The following FRMD5 variants were observed in gnomAD, a reference collection of about 807,000 sequenced individuals.
FRMD5 encodes FERM domain containing 5.
FRMD5 carries 20 observed loss-of-function variants against 69.0 expected under a neutral mutation model. That is an observed-to-expected ratio of 0.29 (90% CI 0.20 to 0.42). The LOEUF is 0.42. Among genes scored for constraint, FRMD5 ranks in the 10% least tolerant of loss-of-function variants. The pLI, the probability that FRMD5 is intolerant of heterozygous loss-of-function variation, is 1.00. For missense variants in FRMD5, 595 were observed against 708.6 expected, an observed-to-expected ratio of 0.84 and a Z score of 1.82; for synonymous variants, 271 against 260.1, an observed-to-expected ratio of 1.04 and a Z score of -0.40.
intron 1 of FRMD5, among the ~76,000 whole-genome samples, chr15:44,044,330 A>C (rs1346684666): frequency 6.6e-6 from 1 of 152,316 alleles, no homozygotes; most frequent in Middle Eastern, 3.4e-3. Context: ...GTGGGACTGT[A>C]AACTAGTTCA....
intron 12 of FRMD5, 58 bp downstream of exon 12, chr15:43,884,669 G>T: frequency 6.6e-7 from 1 of 1,514,572 alleles, no homozygotes; most frequent in Non-Finnish European, 9.2e-7. Context: ...CAAACTGCTG[G>T]ATTGAGATTC....
chr15:44,039,936 T>C (rs895873054), intron 1 of FRMD5, among the ~76,000 whole-genome samples: 1 of 151,994 alleles, frequency 6.6e-6, no homozygotes, highest in African/African-American at 2.4e-5. Context: ...GAAAAAATGT[T>C]AGATGAATTG....
At chr15:44,046,940 T>C (rs1156847020) in intron 1 of FRMD5, among the ~76,000 whole-genome samples, 1 of 152,202 alleles carries the variant, frequency 6.6e-6, no homozygotes, top group African/African-American at 2.4e-5. Flanking sequence ...GATTTTGCTA[T>C]AGAGGTCTAG....
chr15:44,041,124 G>A (rs922612121), intron 1 of FRMD5, among the ~76,000 whole-genome samples: 3 of 150,882 alleles, frequency 2.0e-5, no homozygotes, highest in African/African-American at 7.3e-5. Flanking sequence ...AAGGGTAAAG[G>A]GATCAATGCA....
intron 1 of FRMD5, among the ~76,000 whole-genome samples, chr15:44,140,880 C>CAAAAAAA: frequency 3.1e-5 from 1 of 31,928 alleles, no homozygotes; most frequent in Admixed American, 3.8e-4. Flanking sequence ...GAGACTGTCT[C>CAAAAAAA]AAAAAAAAAA....
At chr15:43,956,509 T>C (rs1476423839) in intron 1 of FRMD5, among the ~76,000 whole-genome samples, 2 of 152,196 alleles carry the variant, frequency 1.3e-5, no homozygotes, top group African/African-American at 2.4e-5. Flanking sequence ...TTTTTTGCTC[T>C]AGTGTTCAAC....
intron 1 of FRMD5, among the ~76,000 whole-genome samples, chr15:44,093,291 G>A (rs2076501554): frequency 6.6e-6 from 1 of 150,740 alleles, no homozygotes; most frequent in Non-Finnish European, 1.5e-5. Context: ...TAGATAGGGA[G>A]TATTTTTAGG....
intron 1 of FRMD5, among the ~76,000 whole-genome samples, chr15:43,953,728 A>G (rs1044961681): frequency 5.3e-5 from 8 of 152,216 alleles, no homozygotes; most frequent in Admixed American, 3.9e-4. Context: ...AGGTTTCCAC[A>G]AGGTACTTGT....
At chr15:43,875,357 A>ATATAT in intron 13 of FRMD5, among the ~76,000 whole-genome samples, 1 of 104,494 alleles carries the variant, frequency 9.6e-6, no homozygotes, top group East Asian at 3.6e-4. Context: ...TCAAAAAAAA[A>ATATAT]AAAAAAATAT....
intron 1 of FRMD5, among the ~76,000 whole-genome samples, chr15:44,002,525 G>A (rs1890256710): frequency 6.6e-6 from 1 of 151,970 alleles, no homozygotes. Context: ...ATCTCCCTGA[G>A]TGAGTAATTC....
At chr15:43,915,676 G>T (rs981260866) in intron 4 of FRMD5, among the ~76,000 whole-genome samples, 1 of 152,138 alleles carries the variant, frequency 6.6e-6, no homozygotes, top group Non-Finnish European at 1.5e-5. Context: ...AATGACAAAA[G>T]AAATTAATCA....
Position 43,909,913 on chromosome 15 carries a change from A to C in FRMD5, c.396T>G (p.Asp132Glu). Residue 132 changes from aspartate to glutamate, a missense_variant, in exon 5 of 14, where the codon GAT (aspartate) becomes GAG (glutamate). Coordinates refer to ENST00000417257, the MANE Select transcript of FRMD5 (RefSeq NM_032892.5). ...YHGRLLCKTSDAALLAAYILQ... is the reference protein window; with the variant it reads ...YHGRLLCKTSEAALLAAYILQ... ...GGATGTAAGCTGCTAACAAGGCAGC[A>C]TCCGATGTTTTACAGAGGAGTCGGC... 1 of 1,613,292 alleles carries C rather than the reference A, an allele frequency of 6.2e-7. No homozygotes were observed. The highest frequency in any genetic ancestry group is 8.5e-7 in the Non-Finnish European group (1 of 1,179,370).
intron 1 of FRMD5, among the ~76,000 whole-genome samples, chr15:44,066,768 T>C (rs1290490804): frequency 6.6e-6 from 1 of 151,960 alleles, no homozygotes; most frequent in African/African-American, 2.4e-5. Flanking sequence ...GACTTTGGAG[T>C]TGGAGGCCAC....
intron 1 of FRMD5, among the ~76,000 whole-genome samples, chr15:44,016,289 A>T (rs1890952207): frequency 6.6e-6 from 1 of 152,248 alleles, no homozygotes. Context: ...ATACCACTGA[A>T]GTGTTTTACT....
At chr15:44,136,358 A>G (rs975589604) in intron 1 of FRMD5, among the ~76,000 whole-genome samples, 2 of 152,158 alleles carry the variant, frequency 1.3e-5, no homozygotes, top group African/African-American at 4.8e-5. Flanking sequence ...TGCAAATAAT[A>G]TTTTAATAAA....
At chr15:43,989,467 A>T in intron 1 of FRMD5, 1 of 813,892 alleles carries the variant, frequency 1.2e-6, no homozygotes, top group Non-Finnish European at 2.2e-6. Context: ...GGCAGCTTGT[A>T]GCTATCTCCA....
chr15:43,991,380 C>T (rs917600735), intron 1 of FRMD5, among the ~76,000 whole-genome samples: 3 of 152,168 alleles, frequency 2.0e-5, no homozygotes, highest in East Asian at 1.9e-4. Flanking sequence ...CTTTGATGTA[C>T]GCAGCTCCCA....
intron 1 of FRMD5, among the ~76,000 whole-genome samples, chr15:44,175,868 T>A (rs984688169): frequency 6.6e-6 from 1 of 152,182 alleles, no homozygotes; most frequent in African/African-American, 2.4e-5. Context: ...AGCATTTTTT[T>A]AAAAATTAAA....
intron 1 of FRMD5, among the ~76,000 whole-genome samples, chr15:44,122,998 A>T (rs920905467): frequency 2.6e-5 from 4 of 152,218 alleles, no homozygotes; most frequent in Admixed American, 6.5e-5. Flanking sequence ...TAAATACAGA[A>T]AATAACATGG....
Sources: allele counts gnomAD v4.1 joint callset (sites outside exome capture counted in the v4.1 genomes callset), GRCh38; gene constraint gnomAD v4.1.1; transcripts MANE v1.5; gene names NCBI Gene and HGNC (gene_info 2026-07-23, HGNC 2026-07-21).